Variants in HS3ST6 observed in about 807,000 individuals in gnomAD.
The protein encoded by HS3ST6 is heparan sulfate-glucosamine 3-sulfotransferase 6.
A neutral mutation model predicts 11.0 loss-of-function variants in HS3ST6; 13 were observed. That is an observed-to-expected ratio of 1.18 (90% CI 0.77 to 1.88). The LOEUF (loss-of-function observed/expected upper bound fraction) is 1.88, where lower values mean the gene tolerates loss of function less well. HS3ST6 is among the 40% of genes most tolerant of loss of function. The probability of loss-of-function intolerance (pLI) is 0.00; values close to 1 mark genes in which losing one functional copy is unlikely to be tolerated. For synonymous variants in HS3ST6, 232 were observed against 230.6 expected (o/e 1.01, Z -0.06); for missense variants, 541 against 494.4 (o/e 1.09, Z -0.89).
At chr16:1,913,423 G>A (rs1467618342) in intron 1 of HS3ST6, among the ~76,000 whole-genome samples, 4 of 152,170 alleles carry the variant, frequency 2.6e-5, no homozygotes, top group African/African-American at 4.8e-5. Flanking sequence ...CATTCTGGGT[G>A]CCCAGCCCGG....
chr16:1,911,508 C>T lies in HS3ST6; in HGVS notation c.*82G>A. ...CAAGCTTTATTTCTTAAATATTCCT[C>T]TCTGCCCAGCATGTGCACGCAGCCC... is the stretch of plus-strand genomic sequence containing the variant. On this transcript the variant is annotated 3_prime_UTR_variant, in exon 2 of 2. Transcript: ENST00000454677. 7.1e-7 allele frequency: 1 copy of T among 1,404,162 alleles called. No individual in the cohort carries two copies. Among genetic ancestry groups the T allele is most frequent in the East Asian group, 2.5e-5 (1 of 39,904 alleles). The allele number at this position is 1,404,162 out of a possible 1,614,324, so 87.0% of individuals were successfully genotyped here.
In HS3ST6 at chr16:1,911,622, G is replaced by T; in HGVS notation, c.997C>A (p.Gln333Lys). 6.2e-7 allele frequency: 1 copy of T among 1,607,996 alleles called. No individual in the cohort carries two copies. Among genetic ancestry groups the T allele is most frequent in the Non-Finnish European group, 8.5e-7 (1 of 1,177,456 alleles). Residue 333 changes from glutamine to lysine, a missense_variant, in exon 2 of 2, where the codon CAG (glutamine) becomes AAG (lysine). Gln to Lys is a moderately conservative substitution (Grantham distance 53). Transcript: ENST00000454677. ...FYRPFNRRFY[Q>K]MTGQDFGWG The stretch of plus-strand genomic sequence containing the variant: ...CAGCCGAAGTCCTGGCCCGTCATCT[G>T]GTAGAACCTGCGGTTGAAGGGCCGG...
chr16:1,919,888 G>T (rs1314563238), upstream of HS3ST6, among the ~76,000 whole-genome samples: 1 of 152,260 alleles, frequency 6.6e-6, no homozygotes, highest in East Asian at 1.9e-4. Context: ...AGGAGAGCAT[G>T]CTGGCTTATG....
intron 1 of HS3ST6, 112 bp downstream of exon 1, chr16:1,917,799 C>CCTG: frequency 1.1e-6 from 1 of 875,908 alleles, no homozygotes; most frequent in Non-Finnish European, 1.6e-6. Context: ...CCCCACTGCC[C>CCTG]GGAGCGCACC....
rs752490117 is a variant in HS3ST6, at chr16:1,912,228, G to A, written c.414-23C>T. On this transcript the variant is annotated intron_variant, in intron 1 of 1. Coordinates refer to ENST00000454677, the MANE Select transcript of HS3ST6 (RefSeq NM_001009606.4). This position sits in a 1 kb window ranked among gnomAD's most constrained non-coding sequence, Gnocchi z 5.6. Reference sequence around the variant, plus strand: ...CTCCTGCGGGACGGGTGCAAGGAGAGGGGGCCTGAGCCTCCCCAGCCCTAG... The same window carrying A: ...CTCCTGCGGGACGGGTGCAAGGAGAAGGGGCCTGAGCCTCCCCAGCCCTAG... The A allele has an allele frequency of 1.5e-6, 2 of 1,376,880 alleles. No homozygotes were observed. Among genetic ancestry groups the A allele is most frequent in the Non-Finnish European group, 1.9e-6 (2 of 1,064,124 alleles). 85.3% of individuals were successfully genotyped at this position (1,376,880 alleles called of 1,614,324 possible).
rs773131043 is a variant in HS3ST6 at position 1,911,941 on chromosome 16, G to T, written c.678C>A (p.Gly226=). ...AGTGGTCCAGGTGCTGGGCGTACAG[G>T]CCGATGCGGACGGCGCTCCAGGCTG... The part of the protein sequence containing the change: ...VDTAWSAVRI[G]LYAQHLDHWL... Residue 226 remains glycine, a synonymous_variant, in exon 2 of 2, where the codon GGC becomes GGA. Coordinates refer to ENST00000454677, the MANE Select transcript of HS3ST6 (RefSeq NM_001009606.4). 5.7e-6 allele frequency: 9 copies of T among 1,589,204 alleles called. No individual in the cohort carries two copies. The highest frequency in any genetic ancestry group is 6.9e-6 in the Non-Finnish European group (8 of 1,166,446).
chr16:1,911,722 G>T lies in HS3ST6; in HGVS notation c.897C>A (p.Arg299=), dbSNP rs550349791. 9 of 1,612,852 alleles carry T rather than the reference G, an allele frequency of 5.6e-6. No homozygotes were observed. The East Asian group carries it at 6.7e-5, about 12-fold the overall frequency. ...GCCGGCCCTTGGACTTGCCCAGGCAGCGGGGACGGCTGCCGCCCTGGGCCT... is the reference window on the plus strand; with the variant it reads ...GCCGGCCCTTGGACTTGCCCAGGCATCGGGGACGGCTGCCGCCCTGGGCCT... ...LKKAQGGSRP[R]CLGKSKGRPH... is the part of the protein sequence containing the mutation. Residue 299 remains arginine, a synonymous_variant, in exon 2 of 2, where the codon CGC becomes CGA. Transcript: ENST00000454677.
chr16:1,911,686 G>A lies in HS3ST6; in HGVS notation c.933C>T (p.Arg311=), dbSNP rs368901112. 35 of 1,611,790 alleles carry A rather than the reference G, an allele frequency of 2.2e-5. No individual in the cohort carries two copies. The highest frequency in any genetic ancestry group is 1.2e-4 in the South Asian group (11 of 90,972). The change falls in exon 2 of 2, where the codon CGC becomes CGT. Residue 311 remains arginine, a synonymous_variant. Transcript: ENST00000454677. ...GGCGCCGGACCAGGGCCTGGGGCAC[G>A]CGTGGGTGTGGCCGGCCCTTGGACT... ...LGKSKGRPHP[R]VPQALVRRLQ...
rs770241158 is a variant in HS3ST6, at chr16:1,912,126, G to A, written c.493C>T (p.Arg165Cys). 5.5e-5 allele frequency: 83 copies of A among 1,500,266 alleles called. No homozygotes were observed. The highest frequency in any genetic ancestry group is 9.5e-5 in the Admixed American group (4 of 42,036). 92.9% of individuals were successfully genotyped at this position (1,500,266 alleles called of 1,614,324 possible). ...PSYFVTREAPRRIHAMSPDTK... is the reference protein window; with the variant it reads ...PSYFVTREAPCRIHAMSPDTK... ...TCCGGGGACATGGCGTGGATGCGGCGGGGGGCCTCTCGCGTCACGAAGTAG... is the reference window on the plus strand; with the variant it reads ...TCCGGGGACATGGCGTGGATGCGGCAGGGGGCCTCTCGCGTCACGAAGTAG... The change falls in exon 2 of 2, where the codon CGC (arginine) becomes TGC (cysteine). Residue 165 changes from arginine (R) to cysteine (C), a missense_variant. By Grantham distance (180) the Arg-to-Cys change is radical. Coordinates refer to ENST00000454677, the MANE Select transcript of HS3ST6 (RefSeq NM_001009606.4). This position sits in a 1 kb window ranked among gnomAD's most constrained non-coding sequence, Gnocchi z 5.6.
upstream of HS3ST6, among the ~76,000 whole-genome samples, chr16:1,920,783 T>A (rs1046190687): frequency 1.3e-5 from 2 of 152,102 alleles, no homozygotes; most frequent in Non-Finnish European, 2.9e-5. Context: ...TGACGGTGGC[T>A]ACACACCTCG....
Position 1,912,180 on chromosome 16 carries a change from C to A in HS3ST6, c.439G>T (p.Gly147Trp). 6.9e-7 allele frequency: 1 copy of A among 1,453,418 alleles called. No homozygotes were observed. The highest frequency in any genetic ancestry group is 2.6e-5 in the Admixed American group (1 of 37,934). 90.0% of individuals were successfully genotyped at this position (1,453,418 alleles called of 1,614,324 possible). The part of the protein sequence containing the change: ...YRSLMPRTLD[G>W]QITMEKTPSY... The stretch of plus-strand genomic sequence containing the variant: ...GGGGTCTTCTCCATGGTGATCTGCC[C>A]ATCCAGGGTTCGGGGCATCAGACTC... The change falls in exon 2 of 2, where the codon GGG becomes TGG. Residue 147 changes from glycine (G) to tryptophan (W), a missense_variant. Gly to Trp is a radical substitution (Grantham distance 184). Transcript: ENST00000454677. The surrounding 1 kb of genome is among the most constrained non-coding windows in gnomAD (Gnocchi z 5.6).
At chr16:1,919,128 A>T (rs574195166), upstream of HS3ST6, among the ~76,000 whole-genome samples, 21 of 152,304 alleles carry the variant, frequency 1.4e-4, no homozygotes, top group South Asian at 4.1e-3. Flanking sequence ...GGCCTGAGAC[A>T]TACTCTGTCT....
In HS3ST6 at chr16:1,912,422, C is replaced by G. The variant is rs79205000; in HGVS notation, c.414-217G>C. Among the ~76,000 whole-genome samples the G allele has an allele frequency of 0.062, 9,411 of 152,166 alleles. 595 individuals carry two copies. The highest frequency in any genetic ancestry group is 0.16 in the African/African-American group (6,691 of 41,490). On this transcript the variant is annotated intron_variant, in intron 1 of 1. Transcript: ENST00000454677. The surrounding 1 kb of genome is among the most constrained non-coding windows in gnomAD (Gnocchi z 5.6). Reference sequence around the variant, plus strand: ...CCCAGCCCGGCACCTGCCTGCAGCCCGGCCTGTTCCGCCGGCCTGCCCCGC... The same window carrying G: ...CCCAGCCCGGCACCTGCCTGCAGCCGGGCCTGTTCCGCCGGCCTGCCCCGC...
upstream of HS3ST6, among the ~76,000 whole-genome samples, chr16:1,918,648 AC>A (rs1436181727): frequency 6.6e-6 from 1 of 150,932 alleles, no homozygotes; most frequent in African/African-American, 2.4e-5. This position sits in a 1 kb window ranked among gnomAD's most constrained non-coding sequence, Gnocchi z 6.0. Flanking sequence ...CGGCATCTTC[AC>A]CTCTGCGCGG....
At chr16:1,919,408 G>A (rs868824667), upstream of HS3ST6, among the ~76,000 whole-genome samples, 2 of 152,246 alleles carry the variant, frequency 1.3e-5, no homozygotes, top group Non-Finnish European at 2.9e-5. Flanking sequence ...CTGCAGGGAA[G>A]GCAGGGGAGG....
rs529959139 is a variant in HS3ST6, at chr16:1,913,142, T to C, written c.414-937A>G. Among the ~76,000 whole-genome samples, 3 of 152,296 alleles carry C rather than the reference T, an allele frequency of 2.0e-5. No homozygotes were observed. The South Asian group carries it at 6.2e-4, about 32-fold the overall frequency. On this transcript the variant is annotated intron_variant, in intron 1 of 1. Coordinates refer to ENST00000454677, the MANE Select transcript of HS3ST6 (RefSeq NM_001009606.4). Reference sequence around the variant, plus strand: ...CTGTGAATTCTCATCAGCCTGGGCCTGGACTCAGCAGGCCAAAAAGTTACC... The same window carrying C: ...CTGTGAATTCTCATCAGCCTGGGCCCGGACTCAGCAGGCCAAAAAGTTACC...
chr16:1,916,546 A>G (rs1244867256), intron 1 of HS3ST6, among the ~76,000 whole-genome samples: 2 of 152,004 alleles, frequency 1.3e-5, no homozygotes, highest in African/African-American at 2.4e-5. Context: ...GACTGGCCTC[A>G]GGAGCCTGGG....
At chr16:1,917,452 G>A (rs1041995082) in intron 1 of HS3ST6, among the ~76,000 whole-genome samples, 23 of 152,142 alleles carry the variant, frequency 1.5e-4, no homozygotes, top group African/African-American at 3.6e-4. Context: ...GCAGACTCGG[G>A]GGTCTTGGGG....
intron 1 of HS3ST6, among the ~76,000 whole-genome samples, chr16:1,915,179 C>T (rs1330346509): frequency 1.3e-5 from 2 of 152,332 alleles, no homozygotes; most frequent in African/African-American, 4.8e-5. Context: ...ATACTCAGAC[C>T]CCACTCCCTG....
Sources: allele counts gnomAD v4.1 joint callset (sites outside exome capture counted in the v4.1 genomes callset), GRCh38; gene constraint gnomAD v4.1.1; non-coding constraint Gnocchi (gnomAD v3.1); transcripts MANE v1.5; gene names NCBI Gene and HGNC (gene_info 2026-07-23, HGNC 2026-07-21).